RAF1: variants seen among roughly 807,000 people sequenced by gnomAD.
The protein encoded by RAF1 is RAF proto-oncogene serine/threonine-protein kinase.
A neutral mutation model predicts 81.1 loss-of-function variants in RAF1; 27 were observed. The observed-to-expected ratio is 0.33, with a 90% CI of 0.25 to 0.46. The LOEUF is 0.46. Ranked by LOEUF, RAF1 falls within the 20% of genes least tolerant of loss-of-function variation. RAF1 has a pLI of 1.00. For missense variants in RAF1, 598 were observed against 826.0 expected (o/e 0.72, Z 3.38); for synonymous variants, 298 against 294.0 (o/e 1.01, Z -0.14).
chr3:12,662,711 G>A (rs1193127975), intron 1 of RAF1, among the ~76,000 whole-genome samples: 4 of 151,982 alleles, frequency 2.6e-5, no homozygotes, highest in African/African-American at 4.8e-5. Context: ...CTCACCCGAT[G>A]AGCACTTACT....
At chr3:12,651,228 T>C (rs990385028) in intron 1 of RAF1, among the ~76,000 whole-genome samples, 1 of 152,220 alleles carries the variant, frequency 6.6e-6, no homozygotes, top group Non-Finnish European at 1.5e-5. Context: ...TTATCTTTCC[T>C]TTCCTTCTCC....
At chr3:12,638,041 C>G (rs1025247509) in intron 1 of RAF1, among the ~76,000 whole-genome samples, 8 of 152,150 alleles carry the variant, frequency 5.3e-5, no homozygotes, top group African/African-American at 1.9e-4. Flanking sequence ...CCTTCCCCAT[C>G]ATTCTTCTCT....
chr3:12,645,217 C>A (rs1000148280), intron 1 of RAF1, among the ~76,000 whole-genome samples: 1 of 151,874 alleles, frequency 6.6e-6, no homozygotes, highest in African/African-American at 2.4e-5. Context: ...CTTCTGAGAA[C>A]CCAGCAATGC....
intron 2 of RAF1, 104 bp from the exon 3 acceptor site, chr3:12,612,166 ACG>A: frequency 1.2e-6 from 1 of 848,448 alleles, no homozygotes. Flanking sequence ...GTGATGGCCC[ACG>A]CACACACACA....
chr3:12,622,203 G>C (rs1162186596), intron 1 of RAF1, among the ~76,000 whole-genome samples: 3 of 152,070 alleles, frequency 2.0e-5, no homozygotes, highest in African/African-American at 7.2e-5. Context: ...AACTAAAAAG[G>C]AAAAGATGGA....
chr3:12,636,202 C>A (rs1485463912), intron 1 of RAF1, among the ~76,000 whole-genome samples: 1 of 151,306 alleles, frequency 6.6e-6, no homozygotes, highest in Non-Finnish European at 1.5e-5. Flanking sequence ...AGGAGAATCC[C>A]TTGAACCCGG....
In RAF1 at chr3:12,590,956, G is replaced by A. The variant is rs1407596410; in HGVS notation, c.1272C>T (p.Asn424=). Reference sequence around the variant, plus strand: ...TCATGTACCCCATGAAAAGCAGAATGTTCACATGCCGTGTTTTGCTGGGGA... The same window carrying A: ...TCATGTACCCCATGAAAAGCAGAATATTCACATGCCGTGTTTTGCTGGGGA... The change falls in exon 13 of 18, where the codon AAC becomes AAT. Residue 424 remains asparagine (N), a synonymous_variant. Coordinates refer to ENST00000442415, the MANE Select transcript of RAF1 (RefSeq NM_001354689.3). 1 of 1,611,236 alleles carries A rather than the reference G, an allele frequency of 6.2e-7. No homozygotes were observed.
intron 1 of RAF1, among the ~76,000 whole-genome samples, chr3:12,646,630 AACCTCC>A: frequency 1.3e-5 from 2 of 151,022 alleles, no homozygotes; most frequent in South Asian, 4.2e-4. Context: ...GGCTCATTGC[AACCTCC>A]ACCTCCCGGG....
At chr3:12,607,004 T>C (rs971702429) in intron 5 of RAF1, among the ~76,000 whole-genome samples, 4 of 152,222 alleles carry the variant, frequency 2.6e-5, no homozygotes, top group African/African-American at 9.6e-5. Context: ...TGTGCATTTC[T>C]AGGAAATACT....
At chr3:12,616,591 T>G (rs975175805) in intron 2 of RAF1, among the ~76,000 whole-genome samples, 2 of 152,228 alleles carry the variant, frequency 1.3e-5, no homozygotes, top group Non-Finnish European at 2.9e-5. Context: ...CAGTTCAAAA[T>G]GCACCTAAGT....
Position 12,599,740 on chromosome 3 carries a change from A to C in RAF1, c.1119T>G (p.Thr373=). The C allele has an allele frequency of 6.2e-7, 1 of 1,614,148 alleles. No homozygotes were observed. ...TTCCAAAAGAGCCTGACCCAATCCG[A>C]GTGGACAGCATCACTTCACTGGCTT... The change falls in exon 11 of 18, where the codon ACT becomes ACG. Residue 373 remains threonine, a synonymous_variant. Transcript: ENST00000442415.
At chr3:12,657,063 A>G (rs1478891704) in intron 1 of RAF1, among the ~76,000 whole-genome samples, 1 of 152,102 alleles carries the variant, frequency 6.6e-6, no homozygotes, top group Non-Finnish European at 1.5e-5. Flanking sequence ...CAATTAGATA[A>G]GGTCCTTGAA....
chr3:12,600,598 G>GT (rs2058831899), intron 8 of RAF1, among the ~76,000 whole-genome samples, 183 bp from the exon 8 acceptor site: 1 of 152,318 alleles, frequency 6.6e-6, no homozygotes, highest in East Asian at 1.9e-4. Flanking sequence ...TCAGTGGCCA[G>GT]TATCTCCAAG....
intron 13 of RAF1, 200 bp from the exon 13 acceptor site, chr3:12,587,837 CTT>C (rs374515740): frequency 0.035 from 6,674 of 192,684 alleles, no homozygotes; most frequent in South Asian, 0.071. Flanking sequence ...ATGCTTACAC[CTT>C]TTTTTTTTTT....
chr3:12,631,577 C>T (rs372073541), intron 1 of RAF1, among the ~76,000 whole-genome samples: 3 of 152,134 alleles, frequency 2.0e-5, no homozygotes, highest in Admixed American at 6.6e-5. Flanking sequence ...CCAGCCTAGG[C>T]GACACAGTGA....
At chr3:12,598,009 CCTTT>C (rs2058736953) in intron 11 of RAF1, among the ~76,000 whole-genome samples, 1 of 54,338 alleles carries the variant, frequency 1.8e-5, no homozygotes, top group African/African-American at 7.1e-5. Context: ...ATTTTCTTTT[CCTTT>C]TTTTTTTTTT....
At chr3:12,623,848 CCTTTTCT>C (rs1415504879) in intron 1 of RAF1, among the ~76,000 whole-genome samples, 19 of 108,308 alleles carry the variant, frequency 1.8e-4, no homozygotes, top group African/African-American at 2.6e-4. Context: ...GTTTCCTAAC[CCTTTTCT>C]TTTTTCTTTT....
chr3:12,639,904 T>A (rs1254362070), intron 1 of RAF1, among the ~76,000 whole-genome samples: 8 of 152,160 alleles, frequency 5.3e-5, no homozygotes, highest in Non-Finnish European at 1.2e-4. Context: ...AGAGCCTGCA[T>A]TGCCAAGACA....
intron 3 of RAF1, among the ~76,000 whole-genome samples, chr3:12,609,543 T>G (rs949517461): frequency 1.3e-5 from 2 of 152,200 alleles, no homozygotes; most frequent in Admixed American, 6.5e-5. Flanking sequence ...AGAAGGTAAT[T>G]TGCTCAAGGC....
Sources: allele counts gnomAD v4.1 joint callset (sites outside exome capture counted in the v4.1 genomes callset), GRCh38; gene constraint gnomAD v4.1.1; transcripts MANE v1.5; gene names NCBI Gene and HGNC (gene_info 2026-07-23, HGNC 2026-07-21).